CCDC85A: variants seen among roughly 807,000 people sequenced by gnomAD.
CCDC85A encodes coiled-coil domain containing 85A, also known as coiled-coil domain-containing protein 85A.
A neutral mutation model predicts 50.2 loss-of-function variants in CCDC85A; 38 were observed. The ratio of observed to expected loss-of-function variants is 0.76; its 90% confidence interval spans 0.58 to 0.99. The LOEUF is 0.99. CCDC85A is among the 50% of genes least tolerant of loss of function. The pLI, the probability that CCDC85A is intolerant of heterozygous loss-of-function variation, is 0.00. For missense variants in CCDC85A, 820 were observed against 742.0 expected, an observed-to-expected ratio of 1.11 and a Z score of -1.22; for synonymous variants, 366 against 301.4, an observed-to-expected ratio of 1.21 and a Z score of -2.22.
chr2:56,215,731 A>G (rs1677362287), intron 2 of CCDC85A, among the ~76,000 whole-genome samples: 1 of 151,860 alleles, frequency 6.6e-6, no homozygotes, highest in Admixed American at 6.6e-5. Context: ...AAGGTACATT[A>G]ATCTTGAGCA....
intron 2 of CCDC85A, among the ~76,000 whole-genome samples, chr2:56,331,845 C>T (rs1236713757): frequency 6.6e-6 from 1 of 152,198 alleles, no homozygotes; most frequent in Non-Finnish European, 1.5e-5. Context: ...TTATACAGGG[C>T]AACACATAGC....
chr2:56,307,865 C>T (rs1250592544), intron 2 of CCDC85A, among the ~76,000 whole-genome samples: 2 of 152,156 alleles, frequency 1.3e-5, no homozygotes, highest in African/African-American at 4.8e-5. Flanking sequence ...CTGAGTGCTT[C>T]GAGCAGTGTC....
intron 4 of CCDC85A, among the ~76,000 whole-genome samples, chr2:56,373,400 T>G (rs1676179516): frequency 6.6e-6 from 1 of 152,160 alleles, no homozygotes; most frequent in Non-Finnish European, 1.5e-5. Flanking sequence ...AAAGTGTGTT[T>G]TTTAATAGAT....
At chr2:56,332,403 G>A (rs1673851053) in intron 2 of CCDC85A, among the ~76,000 whole-genome samples, 1 of 152,196 alleles carries the variant, frequency 6.6e-6, no homozygotes, top group African/African-American at 2.4e-5. Flanking sequence ...TTGGTGTCTG[G>A]TGGAAGCCCA....
intron 2 of CCDC85A, among the ~76,000 whole-genome samples, chr2:56,275,827 C>T (rs918016756): frequency 2.0e-5 from 3 of 152,186 alleles, no homozygotes; most frequent in Admixed American, 1.3e-4. Context: ...TAAGCAAAAG[C>T]CAAATCCTTT....
Position 56,192,597 on chromosome 2 carries a change from A to G in CCDC85A, c.397A>G (p.Thr133Ala). The change falls in exon 2 of 6, where the codon ACT (threonine) becomes GCT (alanine). Residue 133 changes from threonine to alanine, a missense_variant. Thr to Ala is a moderately conservative substitution (Grantham distance 58). Transcript: ENST00000407595. The surrounding 1 kb of genome is among the most constrained non-coding windows in gnomAD (Gnocchi z 4.7). ...SREWQRLGRY[T>A]AGVMHKEVAL... ...GGAGTGGCAGAGACTGGGTCGCTAC[A>G]CTGCCGGGGTGATGCACAAGGAAGT... 6.2e-7 allele frequency: 1 copy of G among 1,613,896 alleles called. No homozygotes were observed. The highest frequency in any genetic ancestry group is 1.1e-5 in the South Asian group (1 of 91,080).
chr2:56,332,008 C>T (rs1168247304), intron 2 of CCDC85A, among the ~76,000 whole-genome samples: 1 of 152,210 alleles, frequency 6.6e-6, no homozygotes, highest in African/African-American at 2.4e-5. Context: ...ACCTGCCCCG[C>T]CGTGCATTGC....
At chr2:56,310,983 A>T (rs1672662110) in intron 2 of CCDC85A, among the ~76,000 whole-genome samples, 1 of 152,162 alleles carries the variant, frequency 6.6e-6, no homozygotes. Flanking sequence ...TTTTGGGGAG[A>T]AAATATATAA....
chr2:56,245,304 G>A (rs1669452468), intron 2 of CCDC85A, among the ~76,000 whole-genome samples: 1 of 152,218 alleles, frequency 6.6e-6, no homozygotes, highest in Non-Finnish European at 1.5e-5. Context: ...CCCTCTATGA[G>A]CACCAGCTGA....
chr2:56,267,565 G>A (rs1026765657), intron 2 of CCDC85A, among the ~76,000 whole-genome samples: 2 of 152,138 alleles, frequency 1.3e-5, no homozygotes, highest in Non-Finnish European at 2.9e-5. Flanking sequence ...ACTGTGGGGC[G>A]CCAACATAGC....
intron 2 of CCDC85A, among the ~76,000 whole-genome samples, chr2:56,322,209 A>T (rs975352139): frequency 6.6e-6 from 1 of 152,210 alleles, no homozygotes; most frequent in African/African-American, 2.4e-5. Flanking sequence ...AACCTAGGCA[A>T]AACCATTCAG....
At chr2:56,244,659 C>G (rs552385786) in intron 2 of CCDC85A, among the ~76,000 whole-genome samples, 1 of 151,352 alleles carries the variant, frequency 6.6e-6, no homozygotes, top group African/African-American at 2.4e-5. Flanking sequence ...TCTGAATATG[C>G]TGTGAATATG....
chr2:56,294,127 G>A (rs1431039603), intron 2 of CCDC85A, among the ~76,000 whole-genome samples: 1 of 152,204 alleles, frequency 6.6e-6, no homozygotes, highest in Non-Finnish European at 1.5e-5. Flanking sequence ...ATGAGATCAT[G>A]TCCATTGCAG....
chr2:56,373,543 C>T (rs1676187119), intron 4 of CCDC85A, among the ~76,000 whole-genome samples: 1 of 152,068 alleles, frequency 6.6e-6, no homozygotes, highest in Admixed American at 6.5e-5. Flanking sequence ...GAGGCCCATG[C>T]CCAAGCAAAA....
chr2:56,345,581 C>T (rs1395257115), intron 3 of CCDC85A, among the ~76,000 whole-genome samples: 1 of 152,034 alleles, frequency 6.6e-6, no homozygotes, highest in Non-Finnish European at 1.5e-5. Flanking sequence ...ATAGAGGTAC[C>T]AGTTGCAGCT....
rs753974726 is a variant in CCDC85A, at chr2:56,375,817, G to T, written c.1454G>T (p.Gly485Val). 6.2e-7 allele frequency: 1 copy of T among 1,613,162 alleles called. No individual in the cohort carries two copies. Among genetic ancestry groups the T allele is most frequent in the Non-Finnish European group, 8.5e-7 (1 of 1,179,592 alleles). The change falls in exon 5 of 6, where the codon GGT becomes GTT. Residue 485 changes from glycine (G) to valine (V), a missense_variant and splice_region_variant. By Grantham distance (109) the Gly-to-Val change is moderately radical. Coordinates refer to ENST00000407595, the MANE Select transcript of CCDC85A (RefSeq NM_001080433.2). Reference sequence around the variant, plus strand: ...CAAAGTTGTTGATTTTCTACTAAGGGTTCTTTTAGGTTGTCATCAGGGGCT... The same window carrying T: ...CAAAGTTGTTGATTTTCTACTAAGGTTTCTTTTAGGTTGTCATCAGGGGCT... ...GIGRCLPTLPGSFRLSSGADG... is the reference protein window; with the variant it reads ...GIGRCLPTLPVSFRLSSGADG...
intron 2 of CCDC85A, among the ~76,000 whole-genome samples, chr2:56,307,416 A>G (rs1288009399): frequency 6.6e-6 from 1 of 152,174 alleles, no homozygotes; most frequent in African/African-American, 2.4e-5. Context: ...CATTGGCAGG[A>G]GTAACACTAG....
intron 2 of CCDC85A, among the ~76,000 whole-genome samples, chr2:56,276,925 A>G (rs1306254384): frequency 6.6e-6 from 1 of 152,148 alleles, no homozygotes; most frequent in Admixed American, 6.5e-5. Context: ...CGTTTTCAGC[A>G]TCTAGCCAGT....
At chr2:56,267,434 T>C (rs1670501222) in intron 2 of CCDC85A, among the ~76,000 whole-genome samples, 1 of 152,206 alleles carries the variant, frequency 6.6e-6, no homozygotes, top group Non-Finnish European at 1.5e-5. Context: ...GGCGCACACT[T>C]AAATCATTTC....
Sources: allele counts gnomAD v4.1 joint callset (sites outside exome capture counted in the v4.1 genomes callset), GRCh38; gene constraint gnomAD v4.1.1; non-coding constraint Gnocchi (gnomAD v3.1); transcripts MANE v1.5; gene names NCBI Gene and HGNC (gene_info 2026-07-23, HGNC 2026-07-21).